Variants in CEP192 observed in about 807,000 individuals in gnomAD.
The protein encoded by CEP192 is centrosomal protein of 192 kDa.
In CEP192, 151 loss-of-function variants were observed where a neutral mutation model predicts 271.8. The observed-to-expected ratio is 0.56, with a 90% CI of 0.49 to 0.64. The LOEUF (loss-of-function observed/expected upper bound fraction) is 0.64, where lower values mean the gene tolerates loss of function less well. Ranked by LOEUF, CEP192 falls within the 30% of genes least tolerant of loss-of-function variation. The pLI is 0.00. For synonymous variants in CEP192, 995 were observed against 1,076.5 expected, an observed-to-expected ratio of 0.92 and a Z score of 1.48; for missense variants, 2,910 against 3,020.5, an observed-to-expected ratio of 0.96 and a Z score of 0.86.
intron 40 of CEP192, among the ~76,000 whole-genome samples, chr18:13,112,364 C>T (rs538282875): frequency 1.4e-4 from 21 of 152,280 alleles, no homozygotes; most frequent in Admixed American, 1.0e-3. Context: ...GTGAAAGAAG[C>T]CAGTCACAGA....
At chr18:13,014,186 A>G (rs774159095) in intron 5 of CEP192, among the ~76,000 whole-genome samples, 13 of 152,238 alleles carry the variant, frequency 8.5e-5, no homozygotes, top group Non-Finnish European at 1.9e-4. Flanking sequence ...AGTGCGAGAG[A>G]TGCTTTGTAG....
At position 13,090,188 on chromosome 18, in the gene CEP192, T is replaced by A. The variant is rs112995879; in HGVS notation, c.6103+623T>A. Among the ~76,000 whole-genome samples the A allele has an allele frequency of 1.4e-3, 220 of 152,320 alleles. 1 individual carries two copies. The Middle Eastern group carries it at 0.02, about 14-fold the overall frequency. On this transcript the variant is annotated intron_variant, in intron 33 of 44. Transcript: ENST00000506447. ...ATGTATATACAGATTTTCACCATAG[T>A]GTTGTTTATAATAGCAAGAAGCTAG... is the stretch of plus-strand genomic sequence containing the variant.
At chr18:13,117,340 T>C (rs560179466) in intron 43 of CEP192, among the ~76,000 whole-genome samples, 1 of 152,338 alleles carries the variant, frequency 6.6e-6, no homozygotes, top group South Asian at 2.1e-4. Context: ...CTTTTTCTTT[T>C]TCTTCTGTAC....
intron 40 of CEP192, among the ~76,000 whole-genome samples, chr18:13,111,110 C>T (rs116565978): frequency 0.015 from 2,226 of 152,220 alleles, 57 homozygotes; most frequent in African/African-American, 0.048. Flanking sequence ...ATTGAGTTGA[C>T]ACCTAATATT....
At chr18:13,046,396 T>TA (rs1200731097) in intron 15 of CEP192, among the ~76,000 whole-genome samples, 2 of 152,226 alleles carry the variant, frequency 1.3e-5, no homozygotes. Context: ...TCTTTCTACT[T>TA]ACACTTAATG....
intron 20 of CEP192, 185 bp from the exon 21 acceptor site, chr18:13,058,897 A>C (rs1054710163): frequency 1.7e-6 from 1 of 588,486 alleles, no homozygotes; most frequent in Non-Finnish European, 3.0e-6. Flanking sequence ...CATTCAACTC[A>C]GGAAGCATTT....
chr18:12,996,757 G>A (rs1206478501), intron 1 of CEP192, among the ~76,000 whole-genome samples: 1 of 152,204 alleles, frequency 6.6e-6, no homozygotes, highest in East Asian at 1.9e-4. Flanking sequence ...CAAGGAAGGA[G>A]TAATCACCTG....
At chr18:13,058,741 C>T in intron 20 of CEP192, 1 of 219,432 alleles carries the variant, frequency 4.6e-6, no homozygotes, top group Non-Finnish European at 9.1e-6. Context: ...CCAGCCCCCA[C>T]CCACTGCTGT....
intron 5 of CEP192, among the ~76,000 whole-genome samples, chr18:13,013,521 G>C (rs2034480146): frequency 6.6e-6 from 1 of 152,158 alleles, no homozygotes; most frequent in Admixed American, 6.5e-5. Flanking sequence ...GAGCTCCCTT[G>C]GCTCTTATGT....
chr18:13,105,573 C>G (rs369154883), intron 40 of CEP192, among the ~76,000 whole-genome samples: 1 of 152,118 alleles, frequency 6.6e-6, no homozygotes, highest in South Asian at 2.1e-4. Flanking sequence ...TTCTAATTGC[C>G]GAAACTTACT....
chr18:13,030,970 G>A (rs1210534689), intron 11 of CEP192, among the ~76,000 whole-genome samples: 2 of 148,444 alleles, frequency 1.3e-5, no homozygotes, highest in African/African-American at 4.9e-5. Flanking sequence ...ACCAGTCCAT[G>A]AAAGGTAGAA....
At chr18:13,008,258 AC>A (rs2145864918) in intron 3 of CEP192, among the ~76,000 whole-genome samples, 197 bp from the exon 4 acceptor site, 1 of 152,246 alleles carries the variant, frequency 6.6e-6, no homozygotes, top group South Asian at 2.1e-4. Context: ...GTATCACTGG[AC>A]CCAAAATGTT....
chr18:13,107,982 C>T (rs1478289418), intron 40 of CEP192, among the ~76,000 whole-genome samples: 7 of 151,058 alleles, frequency 4.6e-5, no homozygotes, highest in African/African-American at 1.5e-4. Flanking sequence ...ATAGAGAACC[C>T]AGAAATAAAG....
intron 44 of CEP192, among the ~76,000 whole-genome samples, chr18:13,124,095 A>C (rs2040796819): frequency 6.6e-6 from 1 of 152,102 alleles, no homozygotes; most frequent in Admixed American, 6.5e-5. Context: ...GGGAGGTAGA[A>C]GTTGCAGTGA....
At chr18:13,097,991 CAGA>C (rs1226210946) in intron 36 of CEP192, among the ~76,000 whole-genome samples, 1 of 152,102 alleles carries the variant, frequency 6.6e-6, no homozygotes, top group Non-Finnish European at 1.5e-5. Context: ...GATCCCAAGG[CAGA>C]AGAATTTTTC....
Position 13,055,784 on chromosome 18 carries a change from A to G in CEP192, c.3194A>G (p.Asp1065Gly), listed in dbSNP as rs376253274. Reference sequence around the variant, plus strand: ...AACAAATTTTGTTGCACTCAGAGTGATATCACCAGCGAGTTGAGTACCACA... The same window carrying G: ...AACAAATTTTGTTGCACTCAGAGTGGTATCACCAGCGAGTTGAGTACCACA... ...TDDALEDRKS[D>G]ITSELSTTII... Residue 1065 changes from aspartate (D) to glycine (G), a missense_variant, in exon 19 of 45, where the codon GAT becomes GGT. Physicochemically the swap from Asp to Gly is moderately conservative, Grantham distance 94. Transcript: ENST00000506447. The G allele has an allele frequency of 4.2e-5, 65 of 1,549,516 alleles. No individual in the cohort carries two copies. The highest frequency in any genetic ancestry group is 5.4e-5 in the Non-Finnish European group (62 of 1,151,260).
Position 13,056,113 on chromosome 18 carries a change from C to G in CEP192, c.3523C>G (p.Leu1175Val), listed in dbSNP as rs145134996. Residue 1175 changes from leucine to valine, a missense_variant, in exon 19 of 45, where the codon CTG (leucine) becomes GTG (valine). By Grantham distance (32) the Leu-to-Val change is conservative. Transcript: ENST00000506447. Reference sequence around the variant, plus strand: ...GCTGGCTCTCCTGGGCAAGTCAGGTCTGAGCTGTCAGGTGGGGTCAGCCAC... The same window carrying G: ...GCTGGCTCTCCTGGGCAAGTCAGGTGTGAGCTGTCAGGTGGGGTCAGCCAC... ...IRLALLGKSGLSCQVGSATSH... is the reference protein window; with the variant it reads ...IRLALLGKSGVSCQVGSATSH... The G allele has an allele frequency of 6.2e-7, 1 of 1,613,154 alleles. No individual in the cohort carries two copies. The highest frequency in any genetic ancestry group is 1.3e-5 in the African/African-American group (1 of 75,060).
chr18:13,103,620 T>A, intron 39 of CEP192, 32 bp downstream of exon 39: 1 of 1,499,914 alleles, frequency 6.7e-7, no homozygotes, highest in Non-Finnish European at 9.3e-7. Flanking sequence ...TATAATCGTT[T>A]TAATGTTTAG....
At chr18:13,024,256 C>T (rs2035161599) in intron 9 of CEP192, 2 of 453,446 alleles carry the variant, frequency 4.4e-6, no homozygotes, top group Non-Finnish European at 8.9e-6. Flanking sequence ...TGCCTTATCT[C>T]TGATAACTTT....
Sources: allele counts gnomAD v4.1 joint callset (sites outside exome capture counted in the v4.1 genomes callset), GRCh38; gene constraint gnomAD v4.1.1; transcripts MANE v1.5; gene names NCBI Gene and HGNC (gene_info 2026-07-23, HGNC 2026-07-21).